LYRM4: variants seen among roughly 807,000 people sequenced by gnomAD.
LYRM4 encodes the protein LYR motif-containing protein 4.
In LYRM4, 9 loss-of-function variants were observed where a neutral mutation model predicts 11.7. The ratio of observed to expected loss-of-function variants is 0.77; its 90% CI spans 0.46 to 1.34. The LOEUF (loss-of-function observed/expected upper bound fraction) is 1.34, where lower values mean the gene tolerates loss of function less well. LYRM4 is among the 40% of genes most tolerant of loss of function. LYRM4 has a pLI of 0.00. For synonymous variants in LYRM4, 42 were observed against 40.4 expected (o/e 1.04, Z -0.15); for missense variants, 133 against 112.5 (o/e 1.18, Z -0.82).
chr6:5,077,475 G>C, the LYRM4 span, among the ~76,000 whole-genome samples: 1 of 152,194 alleles, frequency 6.6e-6, no homozygotes, highest in African/African-American at 2.4e-5. Flanking sequence ...TGGACTCCCA[G>C]TGGTTTTTTC....
chr6:5,195,793 T>C (rs565340108), intron 2 of LYRM4, among the ~76,000 whole-genome samples: 8 of 152,258 alleles, frequency 5.3e-5, no homozygotes, highest in South Asian at 4.1e-4. Context: ...CTGAGGCACA[T>C]AGCAATTCCC....
At chr6:5,183,688 G>A (rs1760212874) in intron 2 of LYRM4, among the ~76,000 whole-genome samples, 2 of 152,158 alleles carry the variant, frequency 1.3e-5, no homozygotes, top group Non-Finnish European at 2.9e-5. Context: ...TGGCACAGAA[G>A]TGGTAATTTC....
the LYRM4 span, among the ~76,000 whole-genome samples, chr6:5,052,788 G>A: frequency 6.6e-6 from 1 of 152,174 alleles, no homozygotes; most frequent in African/African-American, 2.4e-5. Context: ...AATTAAAGAA[G>A]AGGCAGCTTA....
the LYRM4 span, chr6:5,066,016 A>T: frequency 3.4e-5 from 12 of 348,612 alleles, no homozygotes; most frequent in Non-Finnish European, 5.5e-5. Context: ...GTGCTTTCAC[A>T]TGTGAAAAAA....
At chr6:5,037,009 A>ATTTTTT in the LYRM4 span, among the ~76,000 whole-genome samples, 58 of 28,724 alleles carry the variant, frequency 2.0e-3, 10 homozygotes, top group Middle Eastern at 0.11. Context: ...TTTAGCTTGT[A>ATTTTTT]TTTTTTTTTT....
the LYRM4 span, among the ~76,000 whole-genome samples, chr6:5,056,340 A>G: frequency 6.6e-6 from 1 of 152,008 alleles, no homozygotes; most frequent in East Asian, 1.9e-4. Context: ...TGGCCTTTTC[A>G]GAAGACTGTA....
intron 2 of LYRM4, among the ~76,000 whole-genome samples, chr6:5,161,269 G>C (rs1758742373): frequency 6.6e-6 from 1 of 152,128 alleles, no homozygotes; most frequent in African/African-American, 2.4e-5. Context: ...TTTACTGTTT[G>C]CTCTTTGGCT....
chr6:5,101,371 T>C (rs1167816151), downstream of LYRM4, among the ~76,000 whole-genome samples: 2 of 152,240 alleles, frequency 1.3e-5, no homozygotes, highest in African/African-American at 4.8e-5. Context: ...CTAGAAGGAA[T>C]GACAGAGGAG....
rs573850348 is a variant in LYRM4, at chr6:5,146,474, G to A, written c.208-36983C>T. 2.6e-5 allele frequency among the ~76,000 whole-genome samples: 4 copies of A among 152,298 alleles called. No individual in the cohort carries two copies. The East Asian group carries it at 7.7e-4, about 29-fold the overall frequency. ...AGTCCATAGAGCTGGAAAAGGGAGA[G>A]CCAGGATTTATACCCCCAGGCAGGA... On this transcript the variant is annotated intron_variant, in intron 2 of 2. Coordinates refer to ENST00000330636, the MANE Select transcript of LYRM4 (RefSeq NM_020408.6).
At chr6:5,091,082 G>C in the LYRM4 span, among the ~76,000 whole-genome samples, 1 of 152,190 alleles carries the variant, frequency 6.6e-6, no homozygotes, top group Non-Finnish European at 1.5e-5. Flanking sequence ...AGAATATGCT[G>C]TGACTTGTGG....
intron 1 of LYRM4, among the ~76,000 whole-genome samples, chr6:5,223,490 C>T (rs1030722662): frequency 2.6e-5 from 4 of 152,182 alleles, no homozygotes; most frequent in Admixed American, 6.5e-5. Flanking sequence ...TATTCCTCCT[C>T]CACAGGTCGA....
intron 2 of LYRM4, among the ~76,000 whole-genome samples, chr6:5,119,986 C>T (rs1223567290): frequency 6.6e-6 from 1 of 151,430 alleles, no homozygotes; most frequent in Non-Finnish European, 1.5e-5. Flanking sequence ...CCTCTGCCTC[C>T]TGGGTTCAAG....
intron 2 of LYRM4, among the ~76,000 whole-genome samples, chr6:5,175,024 G>A (rs1759640243): frequency 6.6e-6 from 1 of 152,204 alleles, no homozygotes; most frequent in Non-Finnish European, 1.5e-5. Context: ...TGAGCGCCTA[G>A]ATTCTCAGTT....
chr6:5,094,312 T>A, the LYRM4 span, among the ~76,000 whole-genome samples: 5 of 152,106 alleles, frequency 3.3e-5, no homozygotes, highest in South Asian at 1.0e-3. Flanking sequence ...CAAGATCTCA[T>A]CTCTATAAAA....
the LYRM4 span, among the ~76,000 whole-genome samples, chr6:5,094,528 C>A: frequency 1.1e-3 from 168 of 152,300 alleles, 2 homozygotes; most frequent in African/African-American, 2.7e-3. Context: ...TTTGCTTGAG[C>A]AACGTGCCTG....
chr6:5,095,376 C>T, the LYRM4 span, among the ~76,000 whole-genome samples: 4 of 152,146 alleles, frequency 2.6e-5, no homozygotes, highest in East Asian at 1.9e-4. Context: ...GAGAGGCTTC[C>T]GGTGCAACCA....
the LYRM4 span, among the ~76,000 whole-genome samples, chr6:5,047,639 A>G: frequency 6.6e-6 from 1 of 152,220 alleles, no homozygotes; most frequent in Non-Finnish European, 1.5e-5. Context: ...CTCTCATACA[A>G]TAAGCCTTAA....
chr6:5,215,793 C>G (rs1301750572), intron 2 of LYRM4, among the ~76,000 whole-genome samples: 1 of 152,162 alleles, frequency 6.6e-6, no homozygotes, highest in South Asian at 2.1e-4. Flanking sequence ...GTTTCCCCCT[C>G]CACACTTTAT....
chr6:5,206,827 A>G (rs1361855833), intron 2 of LYRM4, among the ~76,000 whole-genome samples: 1 of 152,102 alleles, frequency 6.6e-6, no homozygotes, highest in Non-Finnish European at 1.5e-5. Flanking sequence ...CTGGTACCAC[A>G]TTTTAGAGAA....
Sources: allele counts gnomAD v4.1 joint callset (sites outside exome capture counted in the v4.1 genomes callset), GRCh38; gene constraint gnomAD v4.1.1; transcripts MANE v1.5; gene names NCBI Gene and HGNC (gene_info 2026-07-23, HGNC 2026-07-21).